The following RBFOX3 variants were observed in gnomAD, a reference collection of about 807,000 sequenced individuals.
RBFOX3 encodes the protein RNA binding fox-1 homolog 3.
A neutral mutation model predicts 48.7 loss-of-function variants in RBFOX3; 17 were observed. That is an observed-to-expected ratio of 0.35 (90% CI 0.24 to 0.52). The LOEUF (loss-of-function observed/expected upper bound fraction) is 0.52, where lower values mean the gene tolerates loss of function less well. Ranked by LOEUF, RBFOX3 falls within the 20% of genes least tolerant of loss-of-function variation. The pLI is 0.94. For missense variants in RBFOX3, 382 were observed against 497.5 expected (o/e 0.77, Z 2.21); for synonymous variants, 212 against 209.5 (o/e 1.01, Z -0.10).
At chr17:79,285,064 C>T (rs1221718594) in intron 3 of RBFOX3, among the ~76,000 whole-genome samples, 1 of 152,182 alleles carries the variant, frequency 6.6e-6, no homozygotes, top group Non-Finnish European at 1.5e-5. Flanking sequence ...CCTCAGTTTT[C>T]CATCCACAAA....
chr17:79,576,045 C>T (rs1426704222), intron 1 of RBFOX3, among the ~76,000 whole-genome samples: 2 of 152,148 alleles, frequency 1.3e-5, no homozygotes, highest in Admixed American at 6.5e-5. Context: ...AATATTTGGT[C>T]GTTGTGGTGA....
chr17:79,573,972 G>A (rs1258355679), intron 1 of RBFOX3, among the ~76,000 whole-genome samples: 2 of 152,328 alleles, frequency 1.3e-5, no homozygotes, highest in Middle Eastern at 6.8e-3. Context: ...AGAAACTCCA[G>A]CGTCTCCACC....
At chr17:79,665,126 A>G in the RBFOX3 span, among the ~76,000 whole-genome samples, 46 of 152,172 alleles carry the variant, frequency 3.0e-4, no homozygotes, top group Non-Finnish European at 5.7e-4. Context: ...ACAGGGCCCT[A>G]TGCAAGCCCC....
chr17:79,416,994 G>A (rs2065477764), intron 2 of RBFOX3, among the ~76,000 whole-genome samples: 1 of 152,204 alleles, frequency 6.6e-6, no homozygotes, highest in Non-Finnish European at 1.5e-5. Flanking sequence ...CCCTTGGCAT[G>A]GTTTGCAGCA....
In RBFOX3 at chr17:79,485,077, G is replaced by A. The variant is rs1025378659; in HGVS notation, c.-319-2479C>T. On this transcript the variant is annotated intron_variant, in intron 1 of 14. Coordinates refer to ENST00000693108, the MANE Select transcript of RBFOX3 (RefSeq NM_001350451.2). ...GGTGGTCCAGGGAGACTCCTGCCCC[G>A]CTGCTCTCTCCCACCAGCCCCAAAG... 3.6e-3 allele frequency among the ~76,000 whole-genome samples: 406 copies of A among 112,676 alleles called. 8 individuals carry two copies. In the South Asian group the frequency reaches 0.056, roughly 15 times the overall value. The allele number at this position is 112,676 out of a possible 152,430, so 73.9% of individuals were successfully genotyped here.
chr17:79,363,046 G>T lies in RBFOX3; in HGVS notation c.-174-55222C>A, dbSNP rs1341685481. Among the ~76,000 whole-genome samples, 1 of 152,164 alleles carries T rather than the reference G, an allele frequency of 6.6e-6. No homozygotes were observed. Among genetic ancestry groups the T allele is most frequent in the Non-Finnish European group, 1.5e-5 (1 of 68,046 alleles). On this transcript the variant is annotated intron_variant, in intron 2 of 14. Transcript: ENST00000693108. This position sits in a 1 kb window ranked among gnomAD's most constrained non-coding sequence, Gnocchi z 4.7. Reference sequence around the variant, plus strand: ...CCAAGTGCAGAAAACGGAGAATTACGGGAAAGTAAAAATTCAGAGGCATGA... The same window carrying T: ...CCAAGTGCAGAAAACGGAGAATTACTGGAAAGTAAAAATTCAGAGGCATGA...
intron 6 of RBFOX3, among the ~76,000 whole-genome samples, chr17:79,105,364 C>T (rs2077175889): frequency 6.6e-6 from 1 of 152,154 alleles, no homozygotes; most frequent in African/African-American, 2.4e-5. Flanking sequence ...GGATGGTGTC[C>T]CCGTCCTGCA....
In RBFOX3 at chr17:79,121,857, C is replaced by A. The variant is rs549019404; in HGVS notation, c.-33-6109G>T. The stretch of plus-strand genomic sequence containing the variant: ...ATTTAGTCTCCAAATTAAAAAAAAA[C>A]ATCTGTATGTTGACAATCCCAAAGT... On this transcript the variant is annotated intron_variant, in intron 4 of 14. Coordinates refer to ENST00000693108, the MANE Select transcript of RBFOX3 (RefSeq NM_001350451.2). Among the ~76,000 whole-genome samples, 5 of 152,140 alleles carry A rather than the reference C, an allele frequency of 3.3e-5. No homozygotes were observed. The East Asian group carries it at 5.8e-4, about 18-fold the overall frequency.
intron 2 of RBFOX3, among the ~76,000 whole-genome samples, chr17:79,356,365 T>TTTTTTGTTTTTG (rs2085051381): frequency 1.8e-5 from 2 of 108,290 alleles, no homozygotes; most frequent in African/African-American, 7.4e-5. Flanking sequence ...TTTTTTTTTT[T>TTTTTTGTTTTTG]TTTTTTTTTT....
At position 79,471,547 on chromosome 17, in the gene RBFOX3, C is replaced by T. The variant is rs2077063624; in HGVS notation, c.-175+10907G>A. ...TGAGGCAGCCGCCAGTTACCCAGTA[C>T]TGTGGGTACAGGCGTGAGCTTTCTC... On this transcript the variant is annotated intron_variant, in intron 2 of 14. Transcript: ENST00000693108. This position sits in a 1 kb window ranked among gnomAD's most constrained non-coding sequence, Gnocchi z 4.0. Among the ~76,000 whole-genome samples, 1 of 152,188 alleles carries T rather than the reference C, an allele frequency of 6.6e-6. No homozygotes were observed. Among genetic ancestry groups the T allele is most frequent in the Non-Finnish European group, 1.5e-5 (1 of 68,034 alleles).
chr17:79,092,319 G>A, intron 14 of RBFOX3: 2 of 985,506 alleles, frequency 2.0e-6, no homozygotes, highest in Non-Finnish European at 2.4e-6. Flanking sequence ...CAATGGCTTG[G>A]GTAGTACAAC....
intron 1 of RBFOX3, chr17:79,599,697 A>G (rs1400112532): frequency 6.6e-6 from 1 of 152,250 alleles, no homozygotes; most frequent in Non-Finnish European, 1.5e-5. Context: ...GGAAAAAGGA[A>G]TATTTTCTTA....
intron 2 of RBFOX3, among the ~76,000 whole-genome samples, chr17:79,449,648 C>CACAT (rs1290094572): frequency 6.6e-6 from 1 of 151,820 alleles, no homozygotes; most frequent in Non-Finnish European, 1.5e-5. Flanking sequence ...CACACACACA[C>CACAT]ACTTTGAGTC....
intron 4 of RBFOX3, 54 bp from the exon 5 acceptor site, chr17:79,115,802 C>G: frequency 5.0e-6 from 3 of 599,416 alleles, no homozygotes; most frequent in Non-Finnish European, 8.9e-6. Flanking sequence ...CTTCCCGGAG[C>G]CCCTGAGGAT....
the RBFOX3 span, among the ~76,000 whole-genome samples, chr17:79,656,012 C>T: frequency 5.9e-5 from 9 of 152,170 alleles, no homozygotes; most frequent in African/African-American, 1.9e-4. Flanking sequence ...GCAGGGACCC[C>T]GAGGGAAGCT....
At chr17:79,642,190 T>C in the RBFOX3 span, among the ~76,000 whole-genome samples, 2 of 152,102 alleles carry the variant, frequency 1.3e-5, no homozygotes, top group African/African-American at 4.8e-5. Context: ...AATAATAGAA[T>C]GATGGCTGCC....
intron 3 of RBFOX3, among the ~76,000 whole-genome samples, chr17:79,296,029 T>C (rs538289539): frequency 1.4e-5 from 2 of 143,486 alleles, no homozygotes; most frequent in African/African-American, 5.2e-5. Flanking sequence ...AGGGTGGGGC[T>C]GGGCTTGGGG....
chr17:79,150,773 AG>A (rs1191666806), intron 4 of RBFOX3, among the ~76,000 whole-genome samples: 4 of 152,094 alleles, frequency 2.6e-5, no homozygotes, highest in Non-Finnish European at 5.9e-5. Context: ...CCGAGAAAAG[AG>A]GGGGGCAGGG....
At chr17:79,546,982 C>A (rs782497393) in intron 1 of RBFOX3, among the ~76,000 whole-genome samples, 12 of 151,992 alleles carry the variant, frequency 7.9e-5, no homozygotes, top group Non-Finnish European at 7.4e-5. Context: ...CTTCCTCATT[C>A]TTTAGACCCA....
Sources: allele counts gnomAD v4.1 joint callset (sites outside exome capture counted in the v4.1 genomes callset), GRCh38; gene constraint gnomAD v4.1.1; non-coding constraint Gnocchi (gnomAD v3.1); transcripts MANE v1.5; gene names NCBI Gene and HGNC (gene_info 2026-07-23, HGNC 2026-07-21).